The following MMS22L variants were observed in gnomAD, a reference collection of about 807,000 sequenced individuals.
MMS22L encodes the protein MMS22 like, DNA repair protein, also known as protein MMS22-like.
Under a neutral mutation model 159.1 loss-of-function variants are expected in MMS22L, and 74 were observed. The ratio of observed to expected loss-of-function variants is 0.47; its 90% CI spans 0.39 to 0.56. The LOEUF (loss-of-function observed/expected upper bound fraction) is 0.56, where lower values mean the gene tolerates loss of function less well. Among genes scored for constraint, MMS22L ranks in the 20% least tolerant of loss-of-function variants. The pLI is 0.00. For missense variants in MMS22L, 1,351 were observed against 1,422.1 expected, an observed-to-expected ratio of 0.95 and a Z score of 0.80; for synonymous variants, 517 against 506.9, an observed-to-expected ratio of 1.02 and a Z score of -0.27.
intron 14 of MMS22L, among the ~76,000 whole-genome samples, chr6:97,221,783 CA>C (rs1240994928): frequency 1.3e-5 from 2 of 151,722 alleles, no homozygotes; most frequent in African/African-American, 4.8e-5. Flanking sequence ...ATGTGTTTCC[CA>C]AAAATTATTA....
rs1380986257 is a variant in MMS22L at position 97,146,647 on chromosome 6, CTTAT to C, written c.*155_*158del. Reference sequence around the variant, plus strand: ...ACAGTTGCTAATTAACCTTCAGTTCCTTATTTATACATTTTTTACTTACAGATAT... The same window carrying C: ...ACAGTTGCTAATTAACCTTCAGTTCCTTATACATTTTTTACTTACAGATAT... On this transcript the variant is annotated 3_prime_UTR_variant, in exon 25 of 25. Coordinates refer to ENST00000683635, the MANE Select transcript of MMS22L (RefSeq NM_001350599.2). 16 of 468,472 alleles carry C rather than the reference CTTAT, an allele frequency of 3.4e-5. No homozygotes were observed. Among genetic ancestry groups the C allele is most frequent in the Non-Finnish European group, 5.3e-5 (14 of 266,152 alleles). 29.0% of individuals were successfully genotyped at this position (468,472 alleles called of 1,614,324 possible). A position where few individuals can be genotyped will look rare whatever the true frequency, so the allele number is the denominator to read the frequency against.
At chr6:97,259,813 T>C (rs1332193881) in intron 9 of MMS22L, 1 of 152,166 alleles carries the variant, frequency 6.6e-6, no homozygotes, top group Non-Finnish European at 1.5e-5. Flanking sequence ...TACTCTTTTA[T>C]ATATAAGAAT....
At chr6:97,274,134 G>C (rs140689195) in intron 4 of MMS22L, among the ~76,000 whole-genome samples, 1 of 152,130 alleles carries the variant, frequency 6.6e-6, no homozygotes. Flanking sequence ...TAGAGAATGA[G>C]TAAGAGACAA....
chr6:97,281,199 A>G, intron 3 of MMS22L, 38 bp downstream of exon 3: 2 of 1,565,784 alleles, frequency 1.3e-6, no homozygotes, highest in Non-Finnish European at 1.7e-6. Context: ...AAAAGTGAAC[A>G]ACACCTACAC....
chr6:97,202,518 T>C (rs1406886789), intron 14 of MMS22L, among the ~76,000 whole-genome samples: 2 of 152,210 alleles, frequency 1.3e-5, no homozygotes, highest in East Asian at 1.9e-4. Flanking sequence ...TACCTTAGCG[T>C]TGACTAACCT....
rs1240518002 is a variant in MMS22L at position 97,144,985 on chromosome 6, C to T, written c.*1821G>A. The stretch of plus-strand genomic sequence containing the variant: ...TTCATACTCTAAGGAGCAAGATTCT[C>T]AAAGGTATCTTTATCAATCTCCTTT... On this transcript the variant is annotated 3_prime_UTR_variant, in exon 25 of 25. Transcript: ENST00000683635. The T allele has an allele frequency of 1.4e-5, 2 of 146,430 alleles. No individual in the cohort carries two copies. The highest frequency in any genetic ancestry group is 3.0e-5 in the Non-Finnish European group (2 of 66,898). The allele number at this position is 146,430 out of a possible 1,614,324, so 9.1% of individuals were successfully genotyped here.
intron 14 of MMS22L, among the ~76,000 whole-genome samples, chr6:97,211,767 TATA>T (rs1808405291): frequency 6.6e-6 from 1 of 152,192 alleles, no homozygotes; most frequent in Non-Finnish European, 1.5e-5. Flanking sequence ...AACACAGTGC[TATA>T]ATAACAATTC....
At chr6:97,221,304 C>T (rs778921513) in intron 14 of MMS22L, among the ~76,000 whole-genome samples, 6 of 151,996 alleles carry the variant, frequency 3.9e-5, no homozygotes, top group South Asian at 2.1e-4. Flanking sequence ...ATCTATGTAC[C>T]GGATTTAGAT....
chr6:97,219,570 T>C (rs1339207974), intron 14 of MMS22L, among the ~76,000 whole-genome samples: 1 of 152,212 alleles, frequency 6.6e-6, no homozygotes, highest in Non-Finnish European at 1.5e-5. Flanking sequence ...TAAGCAGATG[T>C]TCATGGAAAT....
chr6:97,168,376 G>C lies in MMS22L; in HGVS notation c.2840-136C>G. 4.5e-6 allele frequency: 3 copies of C among 663,214 alleles called. No homozygotes were observed. In the East Asian group the frequency reaches 8.6e-5, roughly 19 times the overall value. The allele number at this position is 663,214 out of a possible 1,614,324, so 41.1% of individuals were successfully genotyped here. A position where few individuals can be genotyped will look rare whatever the true frequency, so the allele number is the denominator to read the frequency against. On this transcript the variant is annotated intron_variant, in intron 19 of 24. Coordinates refer to ENST00000683635, the MANE Select transcript of MMS22L (RefSeq NM_001350599.2). The stretch of plus-strand genomic sequence containing the variant: ...GAATAGGAAGAGACATATAGTAGAA[G>C]TAACAAATATTTATGTCAATTCATA...
In MMS22L at chr6:97,282,086, G is replaced by A. The variant is rs1816801825; in HGVS notation, c.164+228C>T. 2.0e-5 allele frequency among the ~76,000 whole-genome samples: 3 copies of A among 152,144 alleles called. No homozygotes were observed. The South Asian group carries it at 6.2e-4, about 32-fold the overall frequency. Reference sequence around the variant, plus strand: ...ATTAGTGCCCAGCTCCCTACAGTAAGGGAACATCAGTTACCAAGGAAGTTT... The same window carrying A: ...ATTAGTGCCCAGCTCCCTACAGTAAAGGAACATCAGTTACCAAGGAAGTTT... On this transcript the variant is annotated intron_variant, in intron 2 of 24. Transcript: ENST00000683635.
In MMS22L at chr6:97,231,534, A is replaced by C. The variant is rs747734890; in HGVS notation, c.1421T>G (p.Leu474Arg). The C allele has an allele frequency of 6.2e-7, 1 of 1,613,714 alleles. No homozygotes were observed. Among genetic ancestry groups the C allele is most frequent in the Non-Finnish European group, 8.5e-7 (1 of 1,179,694 alleles). Residue 474 changes from leucine to arginine, a missense_variant, in exon 13 of 25, where the codon CTA (leucine) becomes CGA (arginine). By Grantham distance (102) the Leu-to-Arg change is moderately radical. Coordinates refer to ENST00000683635, the MANE Select transcript of MMS22L (RefSeq NM_001350599.2). The stretch of plus-strand genomic sequence containing the variant: ...AGTATAACTACTGCTGGATTTATAT[A>C]GTTCCTGATCTTGTTTATCGCAACA... ...TCCCDKQDQE[L>R]YKSSSSYTIF...
chr6:97,220,350 G>C (rs1424266091), intron 14 of MMS22L, among the ~76,000 whole-genome samples: 1 of 152,152 alleles, frequency 6.6e-6, no homozygotes, highest in Non-Finnish European at 1.5e-5. Flanking sequence ...GTGTCTATTA[G>C]AGTGTCACTA....
At chr6:97,246,221 A>C (rs4577806) in intron 11 of MMS22L, 1 of 440,186 alleles carries the variant, frequency 2.3e-6, no homozygotes, top group African/African-American at 2.0e-5. Context: ...ATCAGTTAGA[A>C]TATGATTCAA....
chr6:97,264,904 G>A (rs1814921741), intron 8 of MMS22L: 2 of 152,008 alleles, frequency 1.3e-5, no homozygotes, highest in African/African-American at 4.8e-5. Context: ...TACAACACAA[G>A]TAAGTAGAAA....
At position 97,229,321 on chromosome 6, in the gene MMS22L, A is replaced by T. The variant is rs751786481; in HGVS notation, c.1612T>A (p.Leu538Ile). Residue 538 changes from leucine (L) to isoleucine (I), a missense_variant, in exon 14 of 25, where the codon TTA becomes ATA. By Grantham distance (5) the Leu-to-Ile change is conservative. Transcript: ENST00000683635. ...TCTTCTACCTCTGCAACAGCTGCTA[A>T]CAGTAGAAAAAGGCTAAAAAAGTTC... ...LQNFFSLFLL[L>I]AAVAEVEDVA... The T allele has an allele frequency of 1.2e-6, 2 of 1,613,786 alleles. No individual in the cohort carries two copies. Among genetic ancestry groups the T allele is most frequent in the Non-Finnish European group, 1.7e-6 (2 of 1,179,910 alleles).
At chr6:97,259,712 T>TATATA (rs1554277926) in intron 9 of MMS22L, 1 of 151,528 alleles carries the variant, frequency 6.6e-6, no homozygotes, top group Non-Finnish European at 1.5e-5. Context: ...TATATATATA[T>TATATA]ATCTATATAT....
At chr6:97,166,187 T>C (rs975563753) in intron 20 of MMS22L, among the ~76,000 whole-genome samples, 3 of 152,246 alleles carry the variant, frequency 2.0e-5, no homozygotes, top group Non-Finnish European at 2.9e-5. Context: ...CAAAATACTT[T>C]CATATATATT....
intron 14 of MMS22L, among the ~76,000 whole-genome samples, chr6:97,208,806 C>G (rs1431649033): frequency 6.6e-6 from 1 of 152,050 alleles, no homozygotes; most frequent in Admixed American, 6.6e-5. Context: ...CACTCTGGCC[C>G]TAACTTCAAA....
Sources: gnomAD v4.1 joint callset for allele counts (sites outside exome capture counted in the v4.1 genomes callset) on GRCh38, gnomAD v4.1.1 for gene constraint, MANE v1.5 for transcripts, NCBI Gene and HGNC (gene_info 2026-07-23, HGNC 2026-07-21) for gene names.